The following WDFY3 variants were observed in gnomAD, a reference collection of about 807,000 sequenced individuals.
The protein encoded by WDFY3 is WD repeat and FYVE domain-containing protein 3.
WDFY3 carries 66 observed loss-of-function variants against 409.6 expected under a neutral mutation model. The observed-to-expected ratio is 0.16, with a 90% CI of 0.13 to 0.20. The LOEUF is 0.20. WDFY3 is among the 10% of genes least tolerant of loss of function. The pLI is 1.00. For synonymous variants in WDFY3, 1,521 were observed against 1,537.1 expected, an observed-to-expected ratio of 0.99 and a Z score of 0.25; for missense variants, 3,031 against 4,298.1, an observed-to-expected ratio of 0.71 and a Z score of 8.24.
chr4:84,779,919 G>T, intron 26 of WDFY3, among the ~76,000 whole-genome samples, 189 bp downstream of exon 26: 1 of 152,142 alleles, frequency 6.6e-6, no homozygotes, highest in East Asian at 1.9e-4. Flanking sequence ...GGAGAAAAAG[G>T]ATAAAGCAAA....
At chr4:84,699,867 T>C (rs886474715) in intron 56 of WDFY3, among the ~76,000 whole-genome samples, 12 of 152,128 alleles carry the variant, frequency 7.9e-5, no homozygotes, top group Admixed American at 7.2e-4. Flanking sequence ...TTTGGGAAAT[T>C]GTCTATTCAA....
chr4:84,891,026 C>T (rs1487165044), intron 3 of WDFY3, among the ~76,000 whole-genome samples: 2 of 152,114 alleles, frequency 1.3e-5, no homozygotes, highest in African/African-American at 4.8e-5. Flanking sequence ...AAAAATATAA[C>T]AACCATTCTT....
chr4:84,733,648 C>A, intron 43 of WDFY3, 39 bp from the exon 44 acceptor site: 1 of 1,553,862 alleles, frequency 6.4e-7, no homozygotes, highest in South Asian at 1.2e-5. Context: ...CAAGCAAAAG[C>A]AGGAGTAACA....
Position 84,778,488 on chromosome 4 carries a change from T to C in WDFY3, c.4518+15A>G. The C allele has an allele frequency of 6.4e-7, 1 of 1,562,406 alleles. No homozygotes were observed. The highest frequency in any genetic ancestry group is 8.6e-7 in the Non-Finnish European group (1 of 1,159,738). On this transcript the variant is annotated intron_variant, in intron 27 of 67. Coordinates refer to ENST00000295888, the MANE Select transcript of WDFY3 (RefSeq NM_014991.6). ...TTCATTGATTATATATTATCAATTA[T>C]GCTTATATACATACTTCAAAATCAC...
intron 51 of WDFY3, among the ~76,000 whole-genome samples, chr4:84,710,147 T>G (rs1578206901): frequency 6.6e-6 from 1 of 152,194 alleles, no homozygotes; most frequent in South Asian, 2.1e-4. Flanking sequence ...CCCAAATTAT[T>G]AGGACTTCAG....
Position 84,764,570 on chromosome 4 carries a change from G to C in WDFY3, c.5188+1240C>G, listed in dbSNP as rs185176983. ...ACAATAGTACTATGTTGAAAGACCT[G>C]TCTTCCTATGGCTGGGTGCAGTGGC... On this transcript the variant is annotated intron_variant, in intron 32 of 67. Transcript: ENST00000295888. Among the ~76,000 whole-genome samples, 165 of 152,146 alleles carry C rather than the reference G, an allele frequency of 1.1e-3. 1 individual carries two copies. Among genetic ancestry groups the C allele is most frequent in the Admixed American group, 2.9e-3 (45 of 15,278 alleles).
rs1725209284 is a variant in WDFY3, at chr4:84,669,891, GAC to G, written c.*2975_*2976del. ...CAGGACAAAAAATATACATTGCACT[GAC>G]ACAAAAAGTCAGCTGTGTTAAGAGT... On this transcript the variant is annotated 3_prime_UTR_variant, in exon 68 of 68. Coordinates refer to ENST00000295888, the MANE Select transcript of WDFY3 (RefSeq NM_014991.6). The G allele has an allele frequency of 6.6e-6, 1 of 152,416 alleles. No homozygotes were observed. Among genetic ancestry groups the G allele is most frequent in the African/African-American group, 2.4e-5 (1 of 41,376 alleles). 9.4% of individuals were successfully genotyped at this position (152,416 alleles called of 1,614,324 possible).
intron 2 of WDFY3, among the ~76,000 whole-genome samples, chr4:84,899,971 C>T (rs1281824862): frequency 6.6e-6 from 1 of 152,100 alleles, no homozygotes; most frequent in Non-Finnish European, 1.5e-5. Context: ...ACTGCTTGAG[C>T]CCAGGAGGCA....
At chr4:84,790,205 C>T (rs1301946089) in intron 21 of WDFY3, among the ~76,000 whole-genome samples, 3 of 151,930 alleles carry the variant, frequency 2.0e-5, no homozygotes, top group African/African-American at 7.2e-5. Context: ...CAAAAATTAG[C>T]CAGGTATGGT....
chr4:84,683,214 T>C (rs749116204), intron 63 of WDFY3, among the ~76,000 whole-genome samples: 1 of 152,190 alleles, frequency 6.6e-6, no homozygotes, highest in Non-Finnish European at 1.5e-5. Flanking sequence ...TTGTGAGTTT[T>C]TGTGTGTGCA....
chr4:84,837,614 T>C (rs2149997206), intron 6 of WDFY3, among the ~76,000 whole-genome samples: 1 of 152,330 alleles, frequency 6.6e-6, no homozygotes, highest in South Asian at 2.1e-4. Flanking sequence ...ACTTGAGTGA[T>C]AAAGCCATCA....
chr4:84,690,356 A>G lies in WDFY3; in HGVS notation c.9363+150T>C, dbSNP rs546664093. ...CCTATTCTGATTTCCTTTTTTTTTC[A>G]AAAAAGTATTTCTAGCAACAGAACG... On this transcript the variant is annotated intron_variant, in intron 61 of 67. Coordinates refer to ENST00000295888, the MANE Select transcript of WDFY3 (RefSeq NM_014991.6). 1,197 of 1,143,884 alleles carry G rather than the reference A, an allele frequency of 1.0e-3. 30 individuals carry two copies. The South Asian group carries it at 0.018, about 18-fold the overall frequency. 70.9% of individuals were successfully genotyped at this position (1,143,884 alleles called of 1,614,324 possible).
At chr4:84,868,920 C>A (rs115142967) in intron 3 of WDFY3, among the ~76,000 whole-genome samples, 1,668 of 152,260 alleles carry the variant, frequency 0.011, 34 homozygotes, top group African/African-American at 0.038. Flanking sequence ...CCCCAGCATT[C>A]TCCGAGTTTT....
intron 56 of WDFY3, among the ~76,000 whole-genome samples, chr4:84,701,596 T>G (rs1731079417): frequency 6.6e-6 from 1 of 152,230 alleles, no homozygotes; most frequent in Non-Finnish European, 1.5e-5. Flanking sequence ...AATGGAATTT[T>G]GATATGCTTT....
At position 84,784,361 on chromosome 4, in the gene WDFY3, CAAACTTCTA is replaced by C. The variant is rs1409291542; in HGVS notation, c.4063-1296_4063-1288del. Among the ~76,000 whole-genome samples the C allele has an allele frequency of 4.6e-5, 7 of 152,110 alleles. No individual in the cohort carries two copies. In the East Asian group the frequency reaches 5.8e-4, roughly 13 times the overall value. On this transcript the variant is annotated intron_variant, in intron 24 of 67. Transcript: ENST00000295888. ...CTACTGTGATGTCTAATACACTTCT[CAAACTTCTA>C]AAACAGAATTCTCAATATTCCTCCC...
rs774108137 is a variant in WDFY3 at position 84,702,478 on chromosome 4, A to G, written c.8471T>C (p.Met2824Thr). 6.2e-7 allele frequency: 1 copy of G among 1,611,850 alleles called. No individual in the cohort carries two copies. Among genetic ancestry groups the G allele is most frequent in the South Asian group, 1.1e-5 (1 of 90,676 alleles). Residue 2824 changes from methionine to threonine, a missense_variant, in exon 56 of 68, where the codon ATG becomes ACG. Around this residue, in one of 16 missense-constraint regions of WDFY3, gnomAD observed 129 missense variants for 305.3 expected, o/e 0.42. Coordinates refer to ENST00000295888, the MANE Select transcript of WDFY3 (RefSeq NM_014991.6). ...QGGHFDLADRMFHSVREAWYS... is the reference protein window; with the variant it reads ...QGGHFDLADRTFHSVREAWYS... ...CCAGGCCTCGCGCACACTGTGAAACATCCGGTCAGCCAGGTCAAAGTGGCC... is the reference window on the plus strand; with the variant it reads ...CCAGGCCTCGCGCACACTGTGAAACGTCCGGTCAGCCAGGTCAAAGTGGCC...
chr4:84,831,643 C>G (rs773286380), intron 7 of WDFY3, 38 bp from the exon 8 acceptor site: 30 of 1,532,298 alleles, frequency 2.0e-5, no homozygotes, highest in Non-Finnish European at 2.3e-5. Flanking sequence ...AGTGTATAAG[C>G]AAAAATCAAA....
At chr4:84,705,000 A>G (rs1436480453) in intron 54 of WDFY3, among the ~76,000 whole-genome samples, 2 of 152,208 alleles carry the variant, frequency 1.3e-5, no homozygotes, top group Non-Finnish European at 2.9e-5. Context: ...AAGGTTTTAG[A>G]GTATAGTAAT....
At chr4:84,890,793 C>G (rs953579802) in intron 3 of WDFY3, among the ~76,000 whole-genome samples, 2 of 152,138 alleles carry the variant, frequency 1.3e-5, no homozygotes, top group African/African-American at 4.8e-5. Context: ...CAAATAAATA[C>G]TGACATTTGA....
Sources: gnomAD v4.1 joint callset for allele counts (sites outside exome capture counted in the v4.1 genomes callset) on GRCh38, gnomAD v4.1.1 for gene constraint, gnomAD v4.1.1 regional missense constraint, MANE v1.5 for transcripts, NCBI Gene and HGNC (gene_info 2026-07-23, HGNC 2026-07-21) for gene names.